Variants in EMC1 observed in about 807,000 individuals in gnomAD.
The protein encoded by EMC1 is KIAA0090.
A neutral mutation model predicts 128.8 loss-of-function variants in EMC1; 103 were observed. That is an observed-to-expected ratio of 0.80 (90% CI 0.68 to 0.94). The LOEUF is 0.94. Ranked by LOEUF, EMC1 falls within the 40% of genes least tolerant of loss-of-function variation. The pLI, the probability that EMC1 is intolerant of heterozygous loss-of-function variation, is 0.00. For missense variants in EMC1, 1,083 were observed against 1,250.6 expected, an observed-to-expected ratio of 0.87 and a Z score of 2.02; for synonymous variants, 442 against 490.4, an observed-to-expected ratio of 0.90 and a Z score of 1.30.
intron 18 of EMC1, among the ~76,000 whole-genome samples, chr1:19,226,783 A>C (rs2093477578): frequency 6.6e-6 from 1 of 151,116 alleles, no homozygotes; most frequent in African/African-American, 2.4e-5. Context: ...CATGTTGCCC[A>C]AGCTGGCCTC....
Position 19,237,217 on chromosome 1 carries a change from TC to T in EMC1, c.1233del (p.Lys412ArgfsTer44). On this transcript the variant is annotated frameshift_variant, in exon 12 of 23. Transcript: ENST00000477853. LOFTEE classifies it high-confidence loss of function. ...CGGTAGCCCACTGAGTCATCCTTCT[TC>T]AAGAACACCTGGATATACAGCTATA... ...RPERLYIQVF[L>X]KKDDSVGYRA... The T allele has an allele frequency of 6.2e-7, 1 of 1,613,866 alleles. No individual in the cohort carries two copies. The highest frequency in any genetic ancestry group is 1.6e-4 in the Middle Eastern group (1 of 6,062).
At chr1:19,236,438 C>A (rs1322751720) in intron 12 of EMC1, among the ~76,000 whole-genome samples, 1 of 150,988 alleles carries the variant, frequency 6.6e-6, no homozygotes, top group Admixed American at 6.6e-5. Flanking sequence ...AGGTGGATCA[C>A]CTGAGGTCAG....
rs182982366 is a variant in EMC1, at chr1:19,236,696, G to T, written c.1309+446C>A. On this transcript the variant is annotated intron_variant, in intron 12 of 22. Transcript: ENST00000477853. ...AAAAAGCAGGTGACAGGCCAGGCAC[G>T]GTGGCTCACACCTGTAATCCCAGCA... 4.5e-3 allele frequency among the ~76,000 whole-genome samples: 665 copies of T among 148,510 alleles called. 2 individuals are homozygous for T. Among genetic ancestry groups the T allele is most frequent in the Non-Finnish European group, 7.4e-3 (499 of 67,336 alleles).
In EMC1 at chr1:19,222,690, G is replaced by A. The variant is rs1039389337; in HGVS notation, c.2521C>T (p.Pro841Ser). Reference sequence around the variant, plus strand: ...GCCTCCATGGCACTGATGGAGGACGGGAAGATATAGGACTGCTGGAGGACC... The same window carrying A: ...GCCTCCATGGCACTGATGGAGGACGAGAAGATATAGGACTGCTGGAGGACC... ...PQVLQQSYIF[P>S]SSISAMEATI... The change falls in exon 20 of 23, where the codon CCG (proline) becomes TCG (serine). Residue 841 changes from proline (P) to serine (S), a missense_variant. Physicochemically the swap from Pro to Ser is moderately conservative, Grantham distance 74 (BLOSUM62 -1). Transcript: ENST00000477853. 6.2e-7 allele frequency: 1 copy of A among 1,614,052 alleles called. No homozygotes were observed. Among genetic ancestry groups the A allele is most frequent in the Non-Finnish European group, 8.5e-7 (1 of 1,180,044 alleles).
At chr1:19,228,873 G>A (rs572362754) in intron 17 of EMC1, among the ~76,000 whole-genome samples, 1 of 152,210 alleles carries the variant, frequency 6.6e-6, no homozygotes, top group South Asian at 2.1e-4. Context: ...TCAACATGGT[G>A]AAACCCCGTC....
At chr1:19,228,921 G>A (rs182515655) in intron 17 of EMC1, among the ~76,000 whole-genome samples, 14 of 152,246 alleles carry the variant, frequency 9.2e-5, no homozygotes, top group South Asian at 6.2e-4. Flanking sequence ...GCATGGTGGC[G>A]TGCACATGTA....
Position 19,232,764 on chromosome 1 carries a change from TGCCAAAAAGCTGCAAGA to T in EMC1, c.1633-8_1641del, listed in dbSNP as rs2093533467. ...AGGATGGTGCCAGAGCTGCTCTCAA[TGCCAAAAAGCTGCAAGA>T]TAAACAAATACTTGGCTCACTACTA... On this transcript the variant is annotated splice_acceptor_variant and splice_polypyrimidine_tract_variant and coding_sequence_variant and intron_variant, in exon 15 of 23. Coordinates refer to ENST00000477853, the MANE Select transcript of EMC1 (RefSeq NM_015047.3). LOFTEE classifies it high-confidence loss of function. 1 of 1,613,992 alleles carries T rather than the reference TGCCAAAAAGCTGCAAGA, an allele frequency of 6.2e-7. No homozygotes were observed. The highest frequency in any genetic ancestry group is 8.5e-7 in the Non-Finnish European group (1 of 1,179,996).
chr1:19,230,779 G>A (rs1004799996), intron 17 of EMC1, 65 bp downstream of exon 17: 37 of 1,598,976 alleles, frequency 2.3e-5, no homozygotes, highest in Non-Finnish European at 3.2e-5. Flanking sequence ...TCACTTCTTA[G>A]CCAAATGGCC....
At chr1:19,246,310 AACTC>A (rs1415241734) in intron 1 of EMC1, among the ~76,000 whole-genome samples, 1 of 151,830 alleles carries the variant, frequency 6.6e-6, no homozygotes, top group African/African-American at 2.4e-5. Context: ...GAATCGCTTG[AACTC>A]AGGAAGCAGA....
intron 12 of EMC1, among the ~76,000 whole-genome samples, chr1:19,236,233 G>A (rs557372467): frequency 2.0e-5 from 3 of 151,862 alleles, no homozygotes; most frequent in East Asian, 1.9e-4. Flanking sequence ...CAAAATTAGC[G>A]CCTATAATCC....
chr1:19,235,949 A>T (rs1265249496), intron 12 of EMC1, among the ~76,000 whole-genome samples: 2 of 151,966 alleles, frequency 1.3e-5, no homozygotes, highest in Admixed American at 1.3e-4. Context: ...TTCTAGAGAG[A>T]CTCTTCTCGC....
intron 5 of EMC1, among the ~76,000 whole-genome samples, chr1:19,241,934 C>T (rs2093608257): frequency 6.6e-6 from 1 of 152,168 alleles, no homozygotes; most frequent in Admixed American, 6.6e-5. Context: ...AGCAGGACCT[C>T]GAGAAACCAT....
intron 16 of EMC1, 36 bp from the exon 17 acceptor site, chr1:19,230,999 G>GA (rs1332771454): frequency 6.2e-7 from 1 of 1,610,770 alleles, no homozygotes. Flanking sequence ...AAAGAGTTAG[G>GA]AAATTTCCCC....
At chr1:19,245,099 A>G in intron 1 of EMC1, 69 bp from the exon 2 acceptor site, 7 of 1,555,016 alleles carry the variant, frequency 4.5e-6, no homozygotes, top group Non-Finnish European at 6.2e-6. Flanking sequence ...CTCCGGAAAA[A>G]AAATCACAGG....
At chr1:19,241,976 CTTGAGTTGTTCTAACT>C (rs1170852961) in intron 5 of EMC1, among the ~76,000 whole-genome samples, 1 of 152,174 alleles carries the variant, frequency 6.6e-6, no homozygotes, top group Non-Finnish European at 1.5e-5. Flanking sequence ...CCTGGGTCTT[CTTGAGTTGTTCTAACT>C]CTTAATATGA....
intron 14 of EMC1, 66 bp from the exon 15 acceptor site, chr1:19,232,839 G>C (rs1397724536): frequency 1.2e-6 from 2 of 1,607,896 alleles, no homozygotes; most frequent in Admixed American, 1.7e-5. Context: ...GTCTGTCCTT[G>C]AAAACTAGAA....
rs1226883233 is a variant in EMC1, at chr1:19,239,873, T to C, written c.899A>G (p.Tyr300Cys). 6 of 1,614,002 alleles carry C rather than the reference T, an allele frequency of 3.7e-6. No individual in the cohort carries two copies. Among genetic ancestry groups the C allele is most frequent in the Non-Finnish European group, 5.1e-6 (6 of 1,180,018 alleles). Residue 300 changes from tyrosine to cysteine, a missense_variant, in exon 8 of 23, where the codon TAT becomes TGT. Transcript: ENST00000477853. The part of the protein sequence containing the change: ...QFFLHLSPSH[Y>C]ALLQYHYGTL... ...TCCATAATGGTACTGCAGCAGAGCA[T>C]AGTGGCTTGGGGACAAGTGCAGGAA...
rs1174595655 is a variant in EMC1 at position 19,237,332 on chromosome 1, G to A, written c.1213-94C>T. The A allele has an allele frequency of 8.3e-6, 7 of 838,392 alleles. No homozygotes were observed. The East Asian group carries it at 1.7e-4, about 20-fold the overall frequency. The allele number at this position is 838,392 out of a possible 1,614,324, so 51.9% of individuals were successfully genotyped here. A position where few individuals can be genotyped will look rare whatever the true frequency, so the allele number is the denominator to read the frequency against. On this transcript the variant is annotated intron_variant, in intron 11 of 22. Transcript: ENST00000477853. ...GGAGTCAAAGCCTGGACTTAACAGA[G>A]GTACAGGCCATGGCATTATTTGATG...
chr1:19,249,169 GAAGA>G (rs944133277), intron 1 of EMC1, among the ~76,000 whole-genome samples: 1 of 152,012 alleles, frequency 6.6e-6, no homozygotes, highest in Non-Finnish European at 1.5e-5. Context: ...ACTTATTATT[GAAGA>G]AATTTTATAA....
Sources: allele counts gnomAD v4.1 joint callset (sites outside exome capture counted in the v4.1 genomes callset), GRCh38; gene constraint gnomAD v4.1.1; transcripts MANE v1.5; gene names NCBI Gene and HGNC (gene_info 2026-07-23, HGNC 2026-07-21).